The following SYNE1 variants were observed in gnomAD, a reference collection of about 807,000 sequenced individuals.
SYNE1 encodes spectrin repeat containing nuclear envelope protein 1.
SYNE1 carries 616 observed loss-of-function variants against 1,111.0 expected under a neutral mutation model. That is an observed-to-expected ratio of 0.55 (90% CI 0.52 to 0.59). The LOEUF is 0.59. Among genes scored for constraint, SYNE1 ranks in the 20% least tolerant of loss-of-function variants. SYNE1 has a pLI of 0.00. For missense variants in SYNE1, 10,006 were observed against 10,417.0 expected (o/e 0.96, Z 1.72); for synonymous variants, 3,855 against 3,825.8 (o/e 1.01, Z -0.28).
intron 93 of SYNE1, among the ~76,000 whole-genome samples, chr6:152,295,034 T>C (rs1335482614): frequency 6.6e-6 from 1 of 152,180 alleles, no homozygotes; most frequent in African/African-American, 2.4e-5. Flanking sequence ...TAAAAAGTAT[T>C]GAAGAAGGCT....
At chr6:152,177,843 T>G (rs931525808) in intron 129 of SYNE1, among the ~76,000 whole-genome samples, 3 of 152,238 alleles carry the variant, frequency 2.0e-5, no homozygotes, top group African/African-American at 7.2e-5. Context: ...AAAATCAAAC[T>G]GTTTTTGAGT....
At chr6:152,512,550 G>C (rs920908079) in intron 6 of SYNE1, among the ~76,000 whole-genome samples, 2 of 152,044 alleles carry the variant, frequency 1.3e-5, no homozygotes, top group Admixed American at 6.6e-5. Context: ...TTTCACAGGG[G>C]AAAATTTCTT....
intron 3 of SYNE1, among the ~76,000 whole-genome samples, chr6:152,578,149 TA>T (rs2099507271): frequency 1.3e-5 from 2 of 152,232 alleles, no homozygotes; most frequent in Non-Finnish European, 2.9e-5. Flanking sequence ...TGAAACTTTA[TA>T]TTTTTTTCAC....
chr6:152,218,911 T>C lies in SYNE1; in HGVS notation c.22044+92A>G, dbSNP rs978531624. 2.2e-6 allele frequency: 3 copies of C among 1,343,934 alleles called. No homozygotes were observed. In the African/African-American group the frequency reaches 4.3e-5, roughly 19 times the overall value. 83.3% of individuals were successfully genotyped at this position (1,343,934 alleles called of 1,614,324 possible). On this transcript the variant is annotated intron_variant, in intron 120 of 145. Coordinates refer to ENST00000367255, the MANE Select transcript of SYNE1 (RefSeq NM_182961.4). ...TTTTCTTGAGTCTTGAAGGAGGCAT[T>C]GTTGCCATGACAAGGAATTCTTTTT...
At chr6:152,274,346 C>T (rs1050297835) in intron 98 of SYNE1, among the ~76,000 whole-genome samples, 3 of 152,116 alleles carry the variant, frequency 2.0e-5, no homozygotes, top group African/African-American at 7.2e-5. Flanking sequence ...TATTTCTTTT[C>T]CTGTGAATTA....
chr6:152,268,025 G>A (rs1328583499), intron 100 of SYNE1, 31 bp downstream of exon 100: 1 of 1,556,118 alleles, frequency 6.4e-7, no homozygotes, highest in Non-Finnish European at 8.9e-7. Context: ...GAAACACAAT[G>A]AAGAGAAAAT....
intron 131 of SYNE1, among the ~76,000 whole-genome samples, chr6:152,161,227 TTAC>T (rs201013885): frequency 0.028 from 4,113 of 147,534 alleles, 156 homozygotes; most frequent in African/African-American, 0.092. Context: ...TATTTTTACA[TTAC>T]TACATTATTT....
At chr6:152,425,885 T>G (rs2098343903) in intron 38 of SYNE1, among the ~76,000 whole-genome samples, 1 of 152,220 alleles carries the variant, frequency 6.6e-6, no homozygotes, top group African/African-American at 2.4e-5. Flanking sequence ...GCTGTAGAAT[T>G]TCTTTCACGA....
At chr6:152,446,561 G>A (rs998761151) in intron 29 of SYNE1, among the ~76,000 whole-genome samples, 1 of 152,128 alleles carries the variant, frequency 6.6e-6, no homozygotes, top group Admixed American at 6.5e-5. Context: ...AATCTCTGTG[G>A]AGAATTTCAG....
chr6:152,566,864 A>T (rs1595505803), intron 3 of SYNE1, among the ~76,000 whole-genome samples: 1 of 152,186 alleles, frequency 6.6e-6, no homozygotes, highest in African/African-American at 2.4e-5. Flanking sequence ...GTTTTTCAAC[A>T]TATGATTTTA....
In SYNE1 at chr6:152,408,095, G is replaced by C. The variant is rs527517775; in HGVS notation, c.6541-899C>G. On this transcript the variant is annotated intron_variant, in intron 44 of 145. Transcript: ENST00000367255. ...GTTCTTTTAAAAGTGGAAGCATGTA[G>C]GGTTTTCTGCAGTCCCCAAATTATT... Among the ~76,000 whole-genome samples the C allele has an allele frequency of 5.7e-4, 86 of 152,148 alleles. 2 individuals are homozygous for C. The East Asian group carries it at 0.014, about 26-fold the overall frequency.
rs151246189 is a variant in SYNE1 at position 152,574,651 on chromosome 6, G to A, written c.68-34630C>T. On this transcript the variant is annotated intron_variant, in intron 3 of 145. Transcript: ENST00000367255. ...TAGGTGCTAAGTAAATACCGTAGTT[G>A]TTTCTCAACCATGGAAAACCCCACT... Among the ~76,000 whole-genome samples the A allele has an allele frequency of 4.0e-3, 610 of 152,272 alleles. 2 individuals are homozygous for A. The highest frequency in any genetic ancestry group is 0.017 in the Middle Eastern group (5 of 292).
chr6:152,474,749 T>C (rs1415288541), intron 14 of SYNE1: 1 of 152,222 alleles, frequency 6.6e-6, no homozygotes. Context: ...GGGGTTAAGA[T>C]ATGGCTAACT....
intron 5 of SYNE1, among the ~76,000 whole-genome samples, chr6:152,521,202 C>A (rs2099137328): frequency 6.6e-6 from 1 of 152,166 alleles, no homozygotes; most frequent in Non-Finnish European, 1.5e-5. Context: ...CATATCATTG[C>A]CTTTCACTGT....
Position 152,381,029 on chromosome 6 carries a change from C to T in SYNE1, c.8986G>A (p.Val2996Met), listed in dbSNP as rs1041581487. ...LEGKNTDEEI[V>M]ECWHKGQEIL... The stretch of plus-strand genomic sequence containing the variant: ...ACTTGTCCTTTGTGCCAGCATTCCA[C>T]TATCTCCTCATCCGTGTTCTTGCCT... Residue 2996 changes from valine (V) to methionine (M), a missense_variant, in exon 56 of 146, where the codon GTG becomes ATG. By Grantham distance (21) the Val-to-Met change is conservative. Coordinates refer to ENST00000367255, the MANE Select transcript of SYNE1 (RefSeq NM_182961.4). 3 of 1,614,170 alleles carry T rather than the reference C, an allele frequency of 1.9e-6. No homozygotes were observed. Among genetic ancestry groups the T allele is most frequent in the South Asian group, 2.2e-5 (2 of 91,090 alleles).
intron 73 of SYNE1, among the ~76,000 whole-genome samples, chr6:152,346,093 T>C (rs928521869): frequency 8.5e-5 from 13 of 152,220 alleles, no homozygotes; most frequent in African/African-American, 2.9e-4. Flanking sequence ...ACACATCCTC[T>C]ATTCAAACAC....
intron 87 of SYNE1, among the ~76,000 whole-genome samples, chr6:152,311,724 T>C (rs1255664567): frequency 6.6e-6 from 1 of 151,940 alleles, no homozygotes; most frequent in Non-Finnish European, 1.5e-5. Flanking sequence ...GGGTGTGTAA[T>C]GTGTAAAGAG....
chr6:152,430,073 A>C, intron 36 of SYNE1, 39 bp downstream of exon 36: 1 of 1,390,814 alleles, frequency 7.2e-7, no homozygotes, highest in Non-Finnish European at 1.0e-6. Flanking sequence ...ATCAAATTTT[A>C]AGTTGGTAAA....
chr6:152,460,727 C>T (rs926662316), intron 21 of SYNE1, among the ~76,000 whole-genome samples: 2 of 148,754 alleles, frequency 1.3e-5, no homozygotes, highest in South Asian at 4.3e-4. Flanking sequence ...ACTGAATAGA[C>T]TAGAAAATGC....
Sources: allele counts gnomAD v4.1 joint callset (sites outside exome capture counted in the v4.1 genomes callset), GRCh38; gene constraint gnomAD v4.1.1; transcripts MANE v1.5; gene names NCBI Gene and HGNC (gene_info 2026-07-23, HGNC 2026-07-21).